Variants in SYBU observed in about 807,000 individuals in gnomAD.
SYBU encodes GOLSYN A protein.
SYBU carries 21 observed loss-of-function variants against 35.9 expected under a neutral mutation model. That is an observed-to-expected ratio of 0.58 (90% CI 0.41 to 0.84). The LOEUF (loss-of-function observed/expected upper bound fraction) is 0.84. Ranked by LOEUF, SYBU falls within the 40% of genes least tolerant of loss-of-function variation. SYBU has a pLI of 0.00. For synonymous variants in SYBU, 319 were observed against 324.3 expected (o/e 0.98, Z 0.18); for missense variants, 768 against 848.2 (o/e 0.91, Z 1.17).
intron 1 of SYBU, among the ~76,000 whole-genome samples, chr8:109,667,159 C>T (rs1361589088): frequency 6.6e-6 from 1 of 152,084 alleles, no homozygotes; most frequent in Admixed American, 6.6e-5. Flanking sequence ...CTCTGTCGCC[C>T]AGGCTGGAGT....
At chr8:109,594,511 A>T (rs183738008) in intron 3 of SYBU, among the ~76,000 whole-genome samples, 33 of 152,182 alleles carry the variant, frequency 2.2e-4, no homozygotes, top group African/African-American at 4.1e-4. Context: ...AATTTTTTTT[A>T]AAAAACTCAC....
intron 1 of SYBU, among the ~76,000 whole-genome samples, chr8:109,651,809 C>T (rs1382243534): frequency 6.6e-6 from 1 of 152,114 alleles, no homozygotes; most frequent in Non-Finnish European, 1.5e-5. Context: ...TCACATTCAC[C>T]TCATCCTAAA....
At chr8:109,615,577 G>A (rs1347296712) in intron 3 of SYBU, among the ~76,000 whole-genome samples, 2 of 152,094 alleles carry the variant, frequency 1.3e-5, no homozygotes, top group Non-Finnish European at 2.9e-5. Context: ...CGTTTCCAGT[G>A]ATGACATTAG....
In SYBU at chr8:109,644,692, G is replaced by A. The variant is rs773697794; in HGVS notation, c.-33C>T. The A allele has an allele frequency of 2.7e-6, 4 of 1,498,428 alleles. No homozygotes were observed. The highest frequency in any genetic ancestry group is 3.5e-6 in the Non-Finnish European group (4 of 1,131,456). The allele number at this position is 1,498,428 out of a possible 1,614,324, so 92.8% of individuals were successfully genotyped here. Reference sequence around the variant, plus strand: ...CTGCCCGCCGGCTCCTCGCGCCGCCGCTGCCGCCGTCCAGGAGGAGGCACC... The same window carrying A: ...CTGCCCGCCGGCTCCTCGCGCCGCCACTGCCGCCGTCCAGGAGGAGGCACC... On this transcript the variant is annotated 5_prime_UTR_variant, in exon 1 of 7. Transcript: ENST00000276646.
intron 3 of SYBU, among the ~76,000 whole-genome samples, chr8:109,614,726 G>C (rs1811545670): frequency 1.3e-5 from 2 of 152,242 alleles, no homozygotes; most frequent in Non-Finnish European, 2.9e-5. Context: ...CAGAGTTGTA[G>C]ATAAAAGAGA....
At chr8:109,580,126 G>T (rs905492534) in intron 4 of SYBU, 124 bp from the exon 5 acceptor site, 1 of 883,814 alleles carries the variant, frequency 1.1e-6, no homozygotes, top group Non-Finnish European at 1.8e-6. Context: ...ACAATTATTC[G>T]TGTAGACTGT....
intron 4 of SYBU, among the ~76,000 whole-genome samples, chr8:109,585,098 T>C (rs969347944): frequency 1.3e-5 from 2 of 152,234 alleles, no homozygotes; most frequent in African/African-American, 4.8e-5. Context: ...TTCAATTTAT[T>C]GTCCTTCTTG....
At chr8:109,671,582 C>A (rs900638159) in intron 1 of SYBU, among the ~76,000 whole-genome samples, 1 of 152,122 alleles carries the variant, frequency 6.6e-6, no homozygotes, top group East Asian at 1.9e-4. Context: ...ATACTTTGAG[C>A]GATTAAAGCA....
chr8:109,630,075 A>G (rs1019934770), intron 2 of SYBU, among the ~76,000 whole-genome samples: 1 of 151,898 alleles, frequency 6.6e-6, no homozygotes, highest in Non-Finnish European at 1.5e-5. Context: ...CATATACACC[A>G]TGGAATACTA....
chr8:109,668,830 T>C (rs1330820878), intron 1 of SYBU, among the ~76,000 whole-genome samples: 3 of 152,206 alleles, frequency 2.0e-5, no homozygotes, highest in Non-Finnish European at 4.4e-5. Flanking sequence ...TAATAACTTA[T>C]AACTTAAAAT....
upstream of SYBU, chr8:109,647,332 C>G (rs532844683): frequency 2.0e-5 from 3 of 152,284 alleles, no homozygotes; most frequent in Admixed American, 1.3e-4. Flanking sequence ...TTCTCTTTTT[C>G]GTCGAGACTG....
At chr8:109,576,253 G>A (rs1434074141) in intron 6 of SYBU, among the ~76,000 whole-genome samples, 1 of 152,126 alleles carries the variant, frequency 6.6e-6, no homozygotes, top group African/African-American at 2.4e-5. Context: ...CTTTGGCGGA[G>A]ATTAGCTGTG....
At chr8:109,625,662 T>C (rs1324004875) in intron 2 of SYBU, among the ~76,000 whole-genome samples, 2 of 152,180 alleles carry the variant, frequency 1.3e-5, no homozygotes, top group Non-Finnish European at 2.9e-5. Flanking sequence ...ACTTAAGTGG[T>C]CCTCCCACCT....
Position 109,608,061 on chromosome 8 carries a change from C to T in SYBU, c.427+10781G>A, listed in dbSNP as rs550310170. The T allele has an allele frequency of 1.1e-4, 111 of 989,540 alleles. No individual in the cohort carries two copies. The South Asian group carries it at 1.9e-3, about 17-fold the overall frequency. The allele number at this position is 989,540 out of a possible 1,614,324, so 61.3% of individuals were successfully genotyped here. ...TCTCAGAGTGGGGTATCCATGGAGACTGAGCCTTCTGCATGTGCAGGGCAA... is the reference window on the plus strand; with the variant it reads ...TCTCAGAGTGGGGTATCCATGGAGATTGAGCCTTCTGCATGTGCAGGGCAA... On this transcript the variant is annotated intron_variant, in intron 3 of 6. Coordinates refer to ENST00000276646, the MANE Select transcript of SYBU (RefSeq NM_001099754.2).
At position 109,574,631 on chromosome 8, in the gene SYBU, A is replaced by G. The variant is rs1053552412; in HGVS notation, c.*275T>C. ...AAACTGCGTTTTCTCTTCCTGAACCACTAGGATAAGAACGGGTACCTCAGA... is the reference window on the plus strand; with the variant it reads ...AAACTGCGTTTTCTCTTCCTGAACCGCTAGGATAAGAACGGGTACCTCAGA... On this transcript the variant is annotated 3_prime_UTR_variant, in exon 7 of 7. Coordinates refer to ENST00000276646, the MANE Select transcript of SYBU (RefSeq NM_001099754.2). 5.9e-6 allele frequency: 2 copies of G among 336,564 alleles called. No individual in the cohort carries two copies. The highest frequency in any genetic ancestry group is 1.1e-5 in the Non-Finnish European group (2 of 186,416). 20.8% of individuals were successfully genotyped at this position (336,564 alleles called of 1,614,324 possible).
intron 2 of SYBU, among the ~76,000 whole-genome samples, chr8:109,639,135 A>C: frequency 6.6e-6 from 1 of 152,220 alleles, no homozygotes; most frequent in East Asian, 1.9e-4. Context: ...ACAGGCCGGT[A>C]AAATTATAAG....
chr8:109,583,410 T>G (rs1823259995), intron 4 of SYBU, among the ~76,000 whole-genome samples: 1 of 152,218 alleles, frequency 6.6e-6, no homozygotes, highest in South Asian at 2.1e-4. Context: ...CATGTTTTAG[T>G]TTAAGAAAGA....
At chr8:109,627,854 C>T (rs1210937520) in intron 2 of SYBU, among the ~76,000 whole-genome samples, 1 of 152,184 alleles carries the variant, frequency 6.6e-6, no homozygotes. Context: ...CCATATAAAA[C>T]GTGTGCCATT....
intron 1 of SYBU, among the ~76,000 whole-genome samples, chr8:109,653,484 C>T (rs537866315): frequency 3.9e-4 from 60 of 152,216 alleles, no homozygotes; most frequent in Non-Finnish European, 5.3e-4. Flanking sequence ...AGAAGTTTCC[C>T]AAAAGTCTTA....
Sources: allele counts gnomAD v4.1 joint callset (sites outside exome capture counted in the v4.1 genomes callset), GRCh38; gene constraint gnomAD v4.1.1; transcripts MANE v1.5; gene names NCBI Gene and HGNC (gene_info 2026-07-23, HGNC 2026-07-21).